Variants in ITGB5 observed in about 807,000 individuals in gnomAD.
ITGB5 encodes the protein integrin beta-5.
A neutral mutation model predicts 84.8 loss-of-function variants in ITGB5; 38 were observed. That is an observed-to-expected ratio of 0.45 (90% CI 0.35 to 0.59). The LOEUF is 0.59. Among genes scored for constraint, ITGB5 ranks in the 20% least tolerant of loss-of-function variants. The pLI, the probability that ITGB5 is intolerant of heterozygous loss-of-function variation, is 0.01. For missense variants in ITGB5, 905 were observed against 1,034.5 expected (o/e 0.87, Z 1.72); for synonymous variants, 393 against 414.4 (o/e 0.95, Z 0.63).
chr3:124,894,271 C>T (rs1478810634), intron 1 of ITGB5, among the ~76,000 whole-genome samples: 1 of 151,270 alleles, frequency 6.6e-6, no homozygotes, highest in South Asian at 2.1e-4. Flanking sequence ...GTAGCTGGGA[C>T]TACAGGCGCC....
chr3:124,791,884 C>A (rs1179809040), intron 10 of ITGB5: 1 of 152,184 alleles, frequency 6.6e-6, no homozygotes, highest in Admixed American at 6.5e-5. Flanking sequence ...GACCCAGGGA[C>A]TGGAATTCCT....
chr3:124,792,977 G>T (rs1351884572), intron 10 of ITGB5: 1 of 152,068 alleles, frequency 6.6e-6, no homozygotes, highest in African/African-American at 2.4e-5. Flanking sequence ...CACTTGCCCT[G>T]TCTCCCAGGC....
At chr3:124,873,692 A>G (rs998351831) in intron 1 of ITGB5, among the ~76,000 whole-genome samples, 161 bp from the exon 2 acceptor site, 1 of 152,148 alleles carries the variant, frequency 6.6e-6, no homozygotes, top group Non-Finnish European at 1.5e-5. Flanking sequence ...TCATTTGCTA[A>G]GGCTGAACAT....
At chr3:124,877,811 G>A (rs1399560535) in intron 1 of ITGB5, among the ~76,000 whole-genome samples, 1 of 151,828 alleles carries the variant, frequency 6.6e-6, no homozygotes, top group Non-Finnish European at 1.5e-5. Flanking sequence ...AGGAATTTGA[G>A]GTCAAAGGCC....
At chr3:124,885,678 A>C (rs1018321314) in intron 1 of ITGB5, among the ~76,000 whole-genome samples, 3 of 152,184 alleles carry the variant, frequency 2.0e-5, no homozygotes, top group African/African-American at 7.2e-5. Context: ...ACCCATGAAA[A>C]TATCCGTGAT....
At chr3:124,847,035 T>C (rs2065087721) in intron 4 of ITGB5, among the ~76,000 whole-genome samples, 1 of 152,266 alleles carries the variant, frequency 6.6e-6, no homozygotes, top group Admixed American at 6.5e-5. Context: ...TTATTCTCTC[T>C]AGGCCTCAGT....
rs2064456835 is a variant in ITGB5, at chr3:124,809,108, G to C, written c.1177C>G (p.Leu393Val). The C allele has an allele frequency of 6.2e-7, 1 of 1,614,046 alleles. No homozygotes were observed. Among genetic ancestry groups the C allele is most frequent in the Middle Eastern group, 1.7e-4 (1 of 6,060 alleles). The part of the protein sequence containing the change: ...ELSVWDQPED[L>V]NLFFTATCQD... ...CAGGTAGCAGTAAAGAAGAGATTAA[G>C]ATCCTCAGGCTGATCCCAGACTGAC... is the stretch of plus-strand genomic sequence containing the variant. Residue 393 changes from leucine to valine, a missense_variant, in exon 9 of 15, where the codon CTT becomes GTT. Around this residue, in one of 3 missense-constraint regions of ITGB5, gnomAD observed 656 missense variants for 734.7 expected, o/e 0.89. Transcript: ENST00000296181.
intron 10 of ITGB5, among the ~76,000 whole-genome samples, chr3:124,786,100 G>A (rs866417575): frequency 6.6e-6 from 1 of 152,124 alleles, no homozygotes; most frequent in Non-Finnish European, 1.5e-5. Context: ...TAGACACACC[G>A]TGTGTGACAG....
At chr3:124,853,768 T>C (rs10212596) in intron 3 of ITGB5, among the ~76,000 whole-genome samples, 27,463 of 152,200 alleles carry the variant, frequency 0.18, 2,497 homozygotes, top group South Asian at 0.21. Flanking sequence ...GTTTTGAGAA[T>C]GTACTTTTGT....
intron 8 of ITGB5, among the ~76,000 whole-genome samples, chr3:124,815,110 A>C (rs1190115916): frequency 6.6e-6 from 1 of 152,220 alleles, no homozygotes; most frequent in African/African-American, 2.4e-5. Flanking sequence ...AGGGCTAAGC[A>C]CTTATGAGAT....
At chr3:124,786,651 A>G (rs2064086055) in intron 10 of ITGB5, among the ~76,000 whole-genome samples, 2 of 152,102 alleles carry the variant, frequency 1.3e-5, no homozygotes, top group South Asian at 4.2e-4. Flanking sequence ...GAAACCTTTG[A>G]GCAGATCAGA....
chr3:124,762,833 A>G lies in ITGB5; in HGVS notation c.*790T>C, dbSNP rs2063712887. On this transcript the variant is annotated 3_prime_UTR_variant, in exon 15 of 15. Coordinates refer to ENST00000296181, the MANE Select transcript of ITGB5 (RefSeq NM_002213.5). ...ACCTCATGCTTACTTGACAAGCTGC[A>G]GTCTGGAGTATCAGACCAGCCTGTG... 1 of 152,286 alleles carries G rather than the reference A, an allele frequency of 6.6e-6. No individual in the cohort carries two copies. The highest frequency in any genetic ancestry group is 2.1e-4 in the South Asian group (1 of 4,834). 9.4% of individuals were successfully genotyped at this position (152,286 alleles called of 1,614,324 possible). A position where few individuals can be genotyped will look rare whatever the true frequency, so the allele number is the denominator to read the frequency against.
intron 2 of ITGB5, among the ~76,000 whole-genome samples, chr3:124,864,654 A>G (rs890288774): frequency 9.2e-5 from 14 of 152,078 alleles, no homozygotes; most frequent in African/African-American, 3.4e-4. Flanking sequence ...GGGTCGAAAA[A>G]CTACTTAATG....
chr3:124,865,109 GGCA>G (rs2107627363), intron 2 of ITGB5, among the ~76,000 whole-genome samples: 1 of 152,328 alleles, frequency 6.6e-6, no homozygotes, highest in South Asian at 2.1e-4. Context: ...TCCTTCTGAA[GGCA>G]GCATTTCTTT....
chr3:124,886,390 C>T (rs1368459286), intron 1 of ITGB5, among the ~76,000 whole-genome samples: 1 of 152,144 alleles, frequency 6.6e-6, no homozygotes, highest in African/African-American at 2.4e-5. Context: ...GGCGGCTAGC[C>T]TAGGCGCAGC....
chr3:124,820,937 C>T (rs1280120055), intron 6 of ITGB5, among the ~76,000 whole-genome samples: 1 of 152,114 alleles, frequency 6.6e-6, no homozygotes, highest in African/African-American at 2.4e-5. Flanking sequence ...GAAGTCCTGC[C>T]CCATAACTTC....
chr3:124,809,167 A>C lies in ITGB5; in HGVS notation c.1129-11T>G. On this transcript the variant is annotated splice_polypyrimidine_tract_variant and intron_variant, in intron 8 of 14. Transcript: ENST00000296181. The stretch of plus-strand genomic sequence containing the variant: ...TTTAGACCGGATACTCTGAATGGAG[A>C]GAGAAAATGAAGCCCAACCATTTAA... 1 of 1,613,764 alleles carries C rather than the reference A, an allele frequency of 6.2e-7. No homozygotes were observed. Among genetic ancestry groups the C allele is most frequent in the Non-Finnish European group, 8.5e-7 (1 of 1,179,888 alleles).
intron 1 of ITGB5, among the ~76,000 whole-genome samples, chr3:124,875,157 T>A (rs1934248732): frequency 6.6e-6 from 1 of 152,064 alleles, no homozygotes; most frequent in African/African-American, 2.4e-5. Context: ...CAACTCAATA[T>A]TAAGAAAGCA....
intron 2 of ITGB5, among the ~76,000 whole-genome samples, chr3:124,860,618 G>C (rs1319002112): frequency 2.0e-5 from 3 of 152,166 alleles, no homozygotes; most frequent in African/African-American, 7.2e-5. Flanking sequence ...TCCGGCAAAG[G>C]GGTTTCACCT....
Sources: allele counts gnomAD v4.1 joint callset (sites outside exome capture counted in the v4.1 genomes callset), GRCh38; gene constraint gnomAD v4.1.1; regional missense constraint gnomAD v4.1.1; transcripts MANE v1.5; gene names NCBI Gene and HGNC (gene_info 2026-07-23, HGNC 2026-07-21).